Variants in ATF2 observed in about 807,000 individuals in gnomAD.
ATF2 encodes the protein activating transcription factor 2.
In ATF2, 24 loss-of-function variants were observed where a neutral mutation model predicts 60.6. The ratio of observed to expected loss-of-function variants is 0.40; its 90% confidence interval spans 0.29 to 0.56. The LOEUF (loss-of-function observed/expected upper bound fraction) is 0.56, where lower values mean the gene tolerates loss of function less well. ATF2 is among the 20% of genes least tolerant of loss of function. The pLI is 0.54. For synonymous variants in ATF2, 206 were observed against 215.4 expected (o/e 0.96, Z 0.38); for missense variants, 433 against 607.7 (o/e 0.71, Z 3.02).
At chr2:175,101,507 T>C (rs1157745317) in intron 10 of ATF2, among the ~76,000 whole-genome samples, 1 of 152,208 alleles carries the variant, frequency 6.6e-6, no homozygotes, top group East Asian at 1.9e-4. Context: ...TAGTAAATTA[T>C]GTGTTTGGAA....
chr2:175,159,478 AT>A (rs1004885239), intron 1 of ATF2, among the ~76,000 whole-genome samples: 34 of 152,176 alleles, frequency 2.2e-4, no homozygotes, highest in Admixed American at 1.4e-3. Context: ...AAGCAGCAGT[AT>A]TTTTTCCCCC....
At chr2:175,142,720 A>AGAGAGAGT (rs1491359659) in intron 2 of ATF2, among the ~76,000 whole-genome samples, 6 of 71,098 alleles carry the variant, frequency 8.4e-5, no homozygotes, top group African/African-American at 1.4e-4. Context: ...AGAGAGAGAG[A>AGAGAGAGT]GTGTGTGTGT....
At chr2:175,155,564 AG>A (rs1222052862) in intron 1 of ATF2, among the ~76,000 whole-genome samples, 1 of 152,342 alleles carries the variant, frequency 6.6e-6, no homozygotes, top group South Asian at 2.1e-4. Flanking sequence ...TTGTCCAGAG[AG>A]GGAGTTCCGC....
At chr2:175,161,232 T>C (rs1700009469) in intron 1 of ATF2, among the ~76,000 whole-genome samples, 1 of 152,168 alleles carries the variant, frequency 6.6e-6, no homozygotes, top group African/African-American at 2.4e-5. Flanking sequence ...CTCCACAAAT[T>C]ATAAATTCTT....
At chr2:175,123,144 A>G (rs1697084826) in intron 4 of ATF2, among the ~76,000 whole-genome samples, 1 of 152,054 alleles carries the variant, frequency 6.6e-6, no homozygotes, top group Non-Finnish European at 1.5e-5. Flanking sequence ...TCTTCCTATT[A>G]CTTTATCATT....
At chr2:175,093,861 ATATT>A (rs1012301844) in intron 11 of ATF2, among the ~76,000 whole-genome samples, 6 of 152,130 alleles carry the variant, frequency 3.9e-5, no homozygotes, top group Admixed American at 6.5e-5. Context: ...TCAAGTTCTT[ATATT>A]TATTAATACT....
chr2:175,152,519 A>T (rs1373357209), intron 1 of ATF2, among the ~76,000 whole-genome samples: 1 of 152,148 alleles, frequency 6.6e-6, no homozygotes, highest in Non-Finnish European at 1.5e-5. Flanking sequence ...CACAATATTC[A>T]AAGAGAAAGA....
intron 4 of ATF2, 130 bp downstream of exon 4, chr2:175,130,008 T>G: frequency 1.5e-6 from 1 of 669,270 alleles, no homozygotes; most frequent in Non-Finnish European, 2.3e-6. Context: ...GTTTCCTGGG[T>G]TTTTTTTCAT....
intron 4 of ATF2, among the ~76,000 whole-genome samples, chr2:175,128,910 C>T (rs1279480709): frequency 4.6e-5 from 3 of 65,188 alleles, no homozygotes; most frequent in African/African-American, 1.1e-4. Context: ...ATACAAATGG[C>T]CAACAAACAC....
intron 12 of ATF2, 62 bp downstream of exon 12, chr2:175,092,999 A>C: frequency 6.4e-7 from 1 of 1,565,144 alleles, no homozygotes; most frequent in Non-Finnish European, 8.6e-7. Flanking sequence ...TAGGAAAAAA[A>C]AAATCTATGT....
At chr2:175,077,585 G>A (rs1681154345) in intron 13 of ATF2, among the ~76,000 whole-genome samples, 1 of 152,174 alleles carries the variant, frequency 6.6e-6, no homozygotes, top group Admixed American at 6.5e-5. Context: ...TAAAGAGGCT[G>A]ATCTGTGATG....
In ATF2 at chr2:175,118,308, C is replaced by T. The variant is rs147639908; in HGVS notation, c.261G>A (p.Glu87=). The T allele has an allele frequency of 6.2e-7, 1 of 1,610,908 alleles. No homozygotes were observed. The highest frequency in any genetic ancestry group is 1.3e-5 in the African/African-American group (1 of 74,744). The change falls in exon 6 of 14, where the codon GAG becomes GAA. Residue 87 remains glutamate (E), a synonymous_variant. Coordinates refer to ENST00000264110, the MANE Select transcript of ATF2 (RefSeq NM_001880.4). ...KNCEEVGLFN[E]LASPFENEFK... Reference sequence around the variant, plus strand: ...ATTCATTCTCAAATGGACTCGCCAACTCATTAAACAAACCCACTTCTTCAC... The same window carrying T: ...ATTCATTCTCAAATGGACTCGCCAATTCATTAAACAAACCCACTTCTTCAC...
intron 11 of ATF2, among the ~76,000 whole-genome samples, chr2:175,094,403 G>GAACAAAAAAAAAA (rs1694765804): frequency 1.6e-5 from 1 of 61,138 alleles, no homozygotes; most frequent in Non-Finnish European, 3.4e-5. Context: ...CAAAAAATAC[G>GAACAAAAAAAAAA]AAAAAAAAAA....
intron 13 of ATF2, among the ~76,000 whole-genome samples, chr2:175,077,701 G>A (rs558835014): frequency 2.0e-5 from 3 of 152,306 alleles, no homozygotes; most frequent in Admixed American, 2.0e-4. Context: ...ATTAGGTAAA[G>A]CAAATCTTTA....
At chr2:175,099,406 A>G (rs1431819093) in intron 10 of ATF2, among the ~76,000 whole-genome samples, 3 of 152,104 alleles carry the variant, frequency 2.0e-5, no homozygotes. Context: ...CCTGGCCTCT[A>G]TTGAATTTTA....
chr2:175,144,760 G>T (rs933519906), intron 2 of ATF2, among the ~76,000 whole-genome samples: 2 of 152,126 alleles, frequency 1.3e-5, no homozygotes, highest in African/African-American at 4.8e-5. Context: ...AGAAGGGAAG[G>T]CAGCCTGATG....
chr2:175,114,739 T>G lies in ATF2; in HGVS notation c.577A>C (p.Thr193Pro), dbSNP rs762312647. Reference protein sequence around the residue: ...VIIQQAVPSPTSSTVITQAPS... With the variant: ...VIIQQAVPSPPSSTVITQAPS... ...GCCTGGGTGATTACAGTACTTGAGGTTGGTGAAGGTACTGCCTGCTGAATA... is the reference window on the plus strand; with the variant it reads ...GCCTGGGTGATTACAGTACTTGAGGGTGGTGAAGGTACTGCCTGCTGAATA... Residue 193 changes from threonine (T) to proline (P), a missense_variant, in exon 8 of 14, where the codon ACC (threonine) becomes CCC (proline). Physicochemically the swap from Thr to Pro is conservative, Grantham distance 38. This residue lies in a region of ATF2 where 246 missense variants were observed against 309.3 expected (regional missense o/e 0.80). Coordinates refer to ENST00000264110, the MANE Select transcript of ATF2 (RefSeq NM_001880.4). 6.2e-7 allele frequency: 1 copy of G among 1,613,970 alleles called. No individual in the cohort carries two copies.
intron 2 of ATF2, among the ~76,000 whole-genome samples, chr2:175,141,018 A>T (rs1252142403): frequency 0.01 from 1,158 of 115,236 alleles, 20 homozygotes; most frequent in African/African-American, 0.018. Flanking sequence ...AAAAAAAAAA[A>T]AAAAAAAAAA....
At chr2:175,157,656 C>T (rs1404912372) in intron 1 of ATF2, among the ~76,000 whole-genome samples, 1 of 152,114 alleles carries the variant, frequency 6.6e-6, no homozygotes, top group Non-Finnish European at 1.5e-5. Context: ...GGGAGGGGCA[C>T]GCTAGCACAA....
Sources: allele counts gnomAD v4.1 joint callset (sites outside exome capture counted in the v4.1 genomes callset), GRCh38; gene constraint gnomAD v4.1.1; regional missense constraint gnomAD v4.1.1; transcripts MANE v1.5; gene names NCBI Gene and HGNC (gene_info 2026-07-23, HGNC 2026-07-21).